Variants in MCM9 observed in about 807,000 individuals in gnomAD.
MCM9 encodes the protein DNA helicase MCM9.
A neutral mutation model predicts 72.8 loss-of-function variants in MCM9; 55 were observed. That is an observed-to-expected ratio of 0.76 (90% CI 0.61 to 0.95). The LOEUF is 0.95. MCM9 is among the 40% of genes least tolerant of loss of function. MCM9 has a pLI of 0.00. For missense variants in MCM9, 1,279 were observed against 1,377.0 expected (o/e 0.93, Z 1.13); for synonymous variants, 480 against 503.4 (o/e 0.95, Z 0.62).
intron 8 of MCM9, among the ~76,000 whole-genome samples, chr6:118,878,253 A>G (rs1778066818): frequency 6.6e-6 from 1 of 152,196 alleles, no homozygotes; most frequent in Non-Finnish European, 1.5e-5. Flanking sequence ...AAAAATACAT[A>G]GTCTACAATT....
intron 8 of MCM9, among the ~76,000 whole-genome samples, chr6:118,900,602 T>C (rs2114520407): frequency 6.6e-6 from 1 of 152,338 alleles, no homozygotes; most frequent in South Asian, 2.1e-4. Context: ...AAGTGTGAAC[T>C]CTGGTAGGAA....
At chr6:118,846,285 T>C (rs1275343954) in intron 9 of MCM9, among the ~76,000 whole-genome samples, 1 of 151,734 alleles carries the variant, frequency 6.6e-6, no homozygotes, top group Non-Finnish European at 1.5e-5. Context: ...GGAAGAATAC[T>C]ACAAACTTCA....
At chr6:118,860,648 C>A (rs1435181860) in intron 8 of MCM9, among the ~76,000 whole-genome samples, 1 of 152,080 alleles carries the variant, frequency 6.6e-6, no homozygotes, top group Non-Finnish European at 1.5e-5. Context: ...AAACCCTACA[C>A]TCAAGCACAT....
Position 118,815,969 on chromosome 6 carries a change from G to C in MCM9, c.2287C>G (p.Pro763Ala). Residue 763 changes from proline (P) to alanine (A), a missense_variant, in exon 14 of 14, where the codon CCT becomes GCT. Transcript: ENST00000619706. ...SEPKNTVVVS[P>A]HPKTSGENMA... ...TTTTCTCCAGATGTTTTGGGATGAGGAGACACAACAACAGTGTTTTTAGGT... is the reference window on the plus strand; with the variant it reads ...TTTTCTCCAGATGTTTTGGGATGAGCAGACACAACAACAGTGTTTTTAGGT... 6.4e-7 allele frequency: 1 copy of C among 1,550,472 alleles called. No homozygotes were observed. The highest frequency in any genetic ancestry group is 2.4e-5 in the East Asian group (1 of 40,922).
At chr6:118,914,768 C>T (rs1233671905) in intron 6 of MCM9, among the ~76,000 whole-genome samples, 1 of 152,100 alleles carries the variant, frequency 6.6e-6, no homozygotes, top group Non-Finnish European at 1.5e-5. Flanking sequence ...AAACTTAGAG[C>T]CAATTTTACT....
At chr6:118,856,219 T>C (rs1356141653) in intron 9 of MCM9, among the ~76,000 whole-genome samples, 152 bp downstream of exon 9, 1 of 152,192 alleles carries the variant, frequency 6.6e-6, no homozygotes, top group African/African-American at 2.4e-5. Context: ...TGTGGTCTAA[T>C]AAGGAAAAAC....
intron 4 of MCM9, among the ~76,000 whole-genome samples, chr6:118,922,954 C>T (rs940986300): frequency 1.3e-5 from 2 of 150,412 alleles, no homozygotes; most frequent in South Asian, 2.1e-4. Flanking sequence ...AATGCTTGAA[C>T]CCAGGAGGTA....
At chr6:118,928,991 G>A (rs1284940585) in intron 3 of MCM9, among the ~76,000 whole-genome samples, 3 of 151,196 alleles carry the variant, frequency 2.0e-5, no homozygotes, top group Non-Finnish European at 4.4e-5. Flanking sequence ...AGGCCAAGGT[G>A]GGCAGATCAC....
chr6:118,884,992 C>T (rs1233931655), intron 8 of MCM9, among the ~76,000 whole-genome samples: 4 of 152,046 alleles, frequency 2.6e-5, no homozygotes, highest in Non-Finnish European at 4.4e-5. Context: ...GTCAGGAGAT[C>T]GAGACCATCC....
At chr6:118,864,177 G>A (rs1777076165) in intron 8 of MCM9, among the ~76,000 whole-genome samples, 1 of 151,946 alleles carries the variant, frequency 6.6e-6, no homozygotes, top group African/African-American at 2.4e-5. Context: ...ACTACACACT[G>A]TACCCAATAA....
chr6:118,840,469 C>T (rs140339588), intron 9 of MCM9, among the ~76,000 whole-genome samples: 1,853 of 152,246 alleles, frequency 0.012, 23 homozygotes, highest in Middle Eastern at 0.024. Context: ...CCTTTGGCTA[C>T]GGCAAAACCT....
At chr6:118,864,566 A>C (rs1777099891) in intron 8 of MCM9, among the ~76,000 whole-genome samples, 1 of 152,052 alleles carries the variant, frequency 6.6e-6, no homozygotes, top group African/African-American at 2.4e-5. Flanking sequence ...GCGACTAAGA[A>C]AATTTCCACA....
chr6:118,847,549 T>C (rs1282304847), intron 9 of MCM9, among the ~76,000 whole-genome samples: 2 of 148,058 alleles, frequency 1.4e-5, no homozygotes, highest in East Asian at 2.0e-4. Context: ...TAAAACAAAA[T>C]ACAGATGAGC....
intron 13 of MCM9, among the ~76,000 whole-genome samples, chr6:118,818,985 T>C (rs1008993860): frequency 2.6e-5 from 4 of 152,264 alleles, no homozygotes; most frequent in Non-Finnish European, 5.9e-5. Context: ...CTTGAAACTT[T>C]GCTGAAGTTG....
intron 8 of MCM9, among the ~76,000 whole-genome samples, chr6:118,884,282 G>A (rs1460232531): frequency 6.6e-6 from 1 of 152,024 alleles, no homozygotes; most frequent in Non-Finnish European, 1.5e-5. Flanking sequence ...TGAAATATGT[G>A]TAACAATTAC....
chr6:118,904,025 T>C (rs2114539293), intron 8 of MCM9, among the ~76,000 whole-genome samples: 1 of 152,346 alleles, frequency 6.6e-6, no homozygotes, highest in Non-Finnish European at 1.5e-5. Context: ...GTTAAAGAAC[T>C]GAGATTTTAT....
chr6:118,897,094 C>T (rs750949420), intron 8 of MCM9, among the ~76,000 whole-genome samples: 2 of 152,154 alleles, frequency 1.3e-5, no homozygotes, highest in Non-Finnish European at 2.9e-5. Flanking sequence ...CCACCCCTGC[C>T]TCCCATAGTG....
chr6:118,849,301 C>G (rs1776078872), intron 9 of MCM9, among the ~76,000 whole-genome samples: 1 of 151,628 alleles, frequency 6.6e-6, no homozygotes, highest in Non-Finnish European at 1.5e-5. Context: ...ACAAGAGATG[C>G]AAAGAGAAAC....
chr6:118,893,738 T>C (rs1779108892), intron 8 of MCM9, among the ~76,000 whole-genome samples: 1 of 151,882 alleles, frequency 6.6e-6, no homozygotes, highest in African/African-American at 2.4e-5. Context: ...CGCAGAAAGC[T>C]GAACCTAACC....
Sources: allele counts gnomAD v4.1 joint callset (sites outside exome capture counted in the v4.1 genomes callset), GRCh38; gene constraint gnomAD v4.1.1; transcripts MANE v1.5; gene names NCBI Gene and HGNC (gene_info 2026-07-23, HGNC 2026-07-21).